Variants in ENPP6 observed in about 807,000 individuals in gnomAD.
ENPP6 encodes the protein ectonucleotide pyrophosphatase/phosphodiesterase 6.
Under a neutral mutation model 42.0 loss-of-function variants are expected in ENPP6, and 32 were observed. The ratio of observed to expected loss-of-function variants is 0.76; its 90% confidence interval spans 0.58 to 1.02. The LOEUF (loss-of-function observed/expected upper bound fraction) is 1.02, where lower values mean the gene tolerates loss of function less well. ENPP6 is among the 50% of genes least tolerant of loss of function. The pLI is 0.00. For synonymous variants in ENPP6, 213 were observed against 216.0 expected (o/e 0.99, Z 0.12); for missense variants, 552 against 566.8 (o/e 0.97, Z 0.27).
chr4:184,131,259 TCTTCCTTCCTTCCTTC>T (rs779153660), intron 2 of ENPP6, among the ~76,000 whole-genome samples: 6 of 73,280 alleles, frequency 8.2e-5, no homozygotes, highest in Non-Finnish European at 1.1e-4. Context: ...TTTCTCTTTC[TCTTCCTTCCTTCCTTC>T]CTTCCTTCCT....
At chr4:184,110,995 G>A (rs1270474283) in intron 6 of ENPP6, among the ~76,000 whole-genome samples, 1 of 152,080 alleles carries the variant, frequency 6.6e-6, no homozygotes, top group African/African-American at 2.4e-5. Flanking sequence ...TGCTTCCCCA[G>A]CACCTGTCAC....
chr4:184,131,763 A>G (rs887517852), intron 2 of ENPP6, among the ~76,000 whole-genome samples: 5 of 151,066 alleles, frequency 3.3e-5, no homozygotes, highest in Non-Finnish European at 7.4e-5. Context: ...GTCTGTGACT[A>G]TCAAGAGTCT....
intron 1 of ENPP6, among the ~76,000 whole-genome samples, chr4:184,196,301 G>A (rs1299604316): frequency 6.6e-6 from 1 of 152,186 alleles, no homozygotes; most frequent in Non-Finnish European, 1.5e-5. Context: ...CCTGTACGAC[G>A]ATTATATTCA....
At chr4:184,130,571 C>A (rs13108943) in intron 2 of ENPP6, among the ~76,000 whole-genome samples, 18,721 of 41,098 alleles carry the variant, frequency 0.46, 7,071 homozygotes, top group African/African-American at 0.53. Context: ...CAAAACAAAA[C>A]AAAAAAAAAA....
chr4:184,114,323 G>A (rs1022488187), intron 5 of ENPP6, among the ~76,000 whole-genome samples: 3 of 152,082 alleles, frequency 2.0e-5, no homozygotes, highest in Non-Finnish European at 2.9e-5. Flanking sequence ...AATTAAAATC[G>A]ACTGACTGAT....
intron 1 of ENPP6, among the ~76,000 whole-genome samples, chr4:184,160,669 CAAAT>C (rs1737244348): frequency 1.3e-5 from 2 of 149,882 alleles, no homozygotes. Context: ...GAGAGTCACA[CAAAT>C]GAATGCAATC....
chr4:184,133,653 C>G (rs1204115581), intron 2 of ENPP6, among the ~76,000 whole-genome samples: 1 of 151,766 alleles, frequency 6.6e-6, no homozygotes, highest in Non-Finnish European at 1.5e-5. Flanking sequence ...GCACCCTTAC[C>G]ATAGTCCTGA....
At chr4:184,143,440 C>G (rs917430697) in intron 2 of ENPP6, among the ~76,000 whole-genome samples, 1 of 152,222 alleles carries the variant, frequency 6.6e-6, no homozygotes, top group Non-Finnish European at 1.5e-5. Flanking sequence ...GGCAGCAGCC[C>G]GGCACCAGCT....
At chr4:184,162,704 C>T (rs998481909) in intron 1 of ENPP6, among the ~76,000 whole-genome samples, 8 of 152,134 alleles carry the variant, frequency 5.3e-5, no homozygotes, top group African/African-American at 1.9e-4. Flanking sequence ...TGCTATTCCC[C>T]ACACTCAGAG....
chr4:184,131,156 T>TCTTC (rs1736607803), intron 2 of ENPP6, among the ~76,000 whole-genome samples: 1 of 51,350 alleles, frequency 1.9e-5, no homozygotes, highest in Admixed American at 1.6e-4. Context: ...TTTCTTTCTT[T>TCTTC]CTTTCTTTCT....
At chr4:184,096,266 G>A (rs990128583) in intron 7 of ENPP6, among the ~76,000 whole-genome samples, 1 of 152,218 alleles carries the variant, frequency 6.6e-6, no homozygotes, top group African/African-American at 2.4e-5. Context: ...CTAAATTGAA[G>A]AGATGAGCAG....
At chr4:184,107,689 G>A (rs1236224059) in intron 6 of ENPP6, among the ~76,000 whole-genome samples, 1 of 152,216 alleles carries the variant, frequency 6.6e-6, no homozygotes, top group Non-Finnish European at 1.5e-5. Flanking sequence ...GCTGAGGTGG[G>A]CGGATCACGA....
At chr4:184,095,170 C>T (rs1014088003) in intron 7 of ENPP6, among the ~76,000 whole-genome samples, 3 of 152,188 alleles carry the variant, frequency 2.0e-5, no homozygotes, top group Non-Finnish European at 2.9e-5. Context: ...TTGCAATTAG[C>T]GCAGTCCATT....
rs745506795 is a variant in ENPP6 at position 184,116,969 on chromosome 4, A to G, written c.742T>C (p.Trp248Arg). Residue 248 changes from tryptophan to arginine, a missense_variant, in exon 5 of 8, where the codon TGG becomes CGG. Physicochemically the swap from Trp to Arg is moderately radical, Grantham distance 101. This residue lies in a region of ENPP6 where 545 missense variants were observed against 546.3 expected (regional missense o/e 1.00). Transcript: ENST00000296741. ...FSDHGMTDIF[W>R]MDKVIELNKY... ...TTCAGCTCAATCACTTTGTCCATCC[A>G]GAAAATGTCGGTCATTCCGTGATCC... is the stretch of plus-strand genomic sequence containing the variant. 1.2e-6 allele frequency: 2 copies of G among 1,614,236 alleles called. No homozygotes were observed. The highest frequency in any genetic ancestry group is 1.7e-5 in the Admixed American group (1 of 60,038).
chr4:184,133,171 A>T (rs1426520759), intron 2 of ENPP6, among the ~76,000 whole-genome samples: 12 of 151,180 alleles, frequency 7.9e-5, no homozygotes, highest in Non-Finnish European at 1.0e-4. Flanking sequence ...TCACACACAC[A>T]CACACACACA....
intron 2 of ENPP6, among the ~76,000 whole-genome samples, chr4:184,142,558 C>A (rs1213482608): frequency 6.6e-6 from 1 of 152,184 alleles, no homozygotes; most frequent in Non-Finnish European, 1.5e-5. Flanking sequence ...AGAGGGTGGG[C>A]TAGCCTGAGC....
chr4:184,097,160 C>T (rs1421713709), intron 7 of ENPP6, 85 bp downstream of exon 7: 5 of 1,572,090 alleles, frequency 3.2e-6, no homozygotes, highest in Non-Finnish European at 4.3e-6. Context: ...GAAATCCCTG[C>T]AGCCTCTCCT....
At chr4:184,213,344 A>T (rs1056667976) in intron 1 of ENPP6, among the ~76,000 whole-genome samples, 36 of 151,512 alleles carry the variant, frequency 2.4e-4, no homozygotes, top group African/African-American at 8.2e-4. Flanking sequence ...TACTCATCTG[A>T]CAAAGGGCTA....
chr4:184,198,196 C>T (rs1452348500), intron 1 of ENPP6, among the ~76,000 whole-genome samples: 1 of 152,238 alleles, frequency 6.6e-6, no homozygotes, highest in East Asian at 1.9e-4. Context: ...ATGGGGAACC[C>T]AAGGCTTCTG....
Sources: gnomAD v4.1 joint callset for allele counts (sites outside exome capture counted in the v4.1 genomes callset) on GRCh38, gnomAD v4.1.1 for gene constraint, gnomAD v4.1.1 regional missense constraint, MANE v1.5 for transcripts, NCBI Gene and HGNC (gene_info 2026-07-23, HGNC 2026-07-21) for gene names.